FAM168A: variants seen among roughly 807,000 people sequenced by gnomAD.
The protein encoded by FAM168A is family with sequence similarity 168 member A.
Under a neutral mutation model 28.5 loss-of-function variants are expected in FAM168A, and 3 were observed. The observed-to-expected ratio is 0.11, with a 90% confidence interval of 0.05 to 0.27. The LOEUF is 0.27. Among genes scored for constraint, FAM168A ranks in the 10% least tolerant of loss-of-function variants. The pLI, the probability that FAM168A is intolerant of heterozygous loss-of-function variation, is 1.00. For synonymous variants in FAM168A, 122 were observed against 124.2 expected (o/e 0.98, Z 0.12); for missense variants, 222 against 311.5 (o/e 0.71, Z 2.16).
intron 1 of FAM168A, among the ~76,000 whole-genome samples, chr11:73,588,557 TG>T (rs1422514637): frequency 4.6e-5 from 7 of 152,120 alleles, no homozygotes; most frequent in African/African-American, 1.7e-4. Context: ...CAAGACACGG[TG>T]GCCTGCACCT....
At chr11:73,448,875 T>C (rs1057045632) in intron 2 of FAM168A, among the ~76,000 whole-genome samples, 7 of 152,204 alleles carry the variant, frequency 4.6e-5, no homozygotes, top group Non-Finnish European at 7.3e-5. Context: ...ACCTTCAGAC[T>C]TCTTTTTATG....
intron 1 of FAM168A, among the ~76,000 whole-genome samples, chr11:73,534,839 G>A (rs556172198): frequency 6.6e-6 from 1 of 152,192 alleles, no homozygotes; most frequent in Admixed American, 6.5e-5. Context: ...TCCCTCTGGA[G>A]AGAGTAAAAC....
chr11:73,554,880 G>A (rs186979699), intron 1 of FAM168A, among the ~76,000 whole-genome samples: 1 of 152,312 alleles, frequency 6.6e-6, no homozygotes, highest in Non-Finnish European at 1.5e-5. Context: ...CTTGATGGGT[G>A]AAGAAGATGG....
chr11:73,577,324 T>A (rs967439991), intron 1 of FAM168A, among the ~76,000 whole-genome samples: 3 of 148,228 alleles, frequency 2.0e-5, no homozygotes, highest in African/African-American at 5.3e-5. Flanking sequence ...GCTACTTAAC[T>A]AATATCTGAA....
At position 73,468,775 on chromosome 11, in the gene FAM168A, C is replaced by G. The variant is rs144627013; in HGVS notation, c.-18-283G>C. On this transcript the variant is annotated intron_variant, in intron 1 of 7. Transcript: ENST00000356467. ...AGTGTTAGTCCCACTATCCCACAGA[C>G]AGCTCTGGCACTAGAGTACTATGTG... 3.8e-3 allele frequency among the ~76,000 whole-genome samples: 582 copies of G among 152,358 alleles called. 1 individual carries two copies. Among genetic ancestry groups the G allele is most frequent in the Non-Finnish European group, 7.0e-3 (476 of 68,030 alleles).
intron 2 of FAM168A, among the ~76,000 whole-genome samples, chr11:73,433,227 G>C (rs1171036593): frequency 6.6e-6 from 1 of 150,790 alleles, no homozygotes; most frequent in East Asian, 1.9e-4. Flanking sequence ...TTTTTCATTG[G>C]GTGGTTTGTC....
intron 1 of FAM168A, among the ~76,000 whole-genome samples, chr11:73,500,514 TC>T (rs1854988622): frequency 6.6e-6 from 1 of 152,030 alleles, no homozygotes; most frequent in South Asian, 2.1e-4. Context: ...CACCTTGGCC[TC>T]CCAAAGTGCT....
chr11:73,450,665 C>T (rs1565250629), intron 2 of FAM168A, among the ~76,000 whole-genome samples: 1 of 143,832 alleles, frequency 7.0e-6, no homozygotes, highest in African/African-American at 2.5e-5. Context: ...CCCCCCTTCT[C>T]CACTCCCCTC....
chr11:73,464,393 T>C (rs1867700476), intron 2 of FAM168A, among the ~76,000 whole-genome samples: 1 of 152,118 alleles, frequency 6.6e-6, no homozygotes, highest in Non-Finnish European at 1.5e-5. Flanking sequence ...ACAGATTAAT[T>C]TCCTAGCCTT....
At chr11:73,538,460 A>G (rs1173031211) in intron 1 of FAM168A, among the ~76,000 whole-genome samples, 1 of 152,148 alleles carries the variant, frequency 6.6e-6, no homozygotes, top group East Asian at 1.9e-4. Flanking sequence ...ATAGATCTCC[A>G]TTCCAGAATT....
At chr11:73,407,732 G>T in intron 6 of FAM168A, 89 bp from the exon 7 acceptor site, 1 of 1,070,356 alleles carries the variant, frequency 9.3e-7, no homozygotes, top group Admixed American at 2.4e-5. Flanking sequence ...TCACATGGCT[G>T]CTCCCTCTGC....
Position 73,566,380 on chromosome 11 carries a change from G to A in FAM168A, c.-19+31543C>T, listed in dbSNP as rs1337351903. Among the ~76,000 whole-genome samples the A allele has an allele frequency of 7.2e-5, 11 of 152,002 alleles. No homozygotes were observed. In the East Asian group the frequency reaches 2.1e-3, roughly 29 times the overall value. ...GTAAAGCAAACTTCTTTTATCCCTT[G>A]ATGTAATCAATAAAAATTAAAGCCA... On this transcript the variant is annotated intron_variant, in intron 1 of 7. Coordinates refer to ENST00000356467, the MANE Select transcript of FAM168A (RefSeq NM_015159.3).
chr11:73,426,823 G>A (rs1475007201), intron 3 of FAM168A, among the ~76,000 whole-genome samples: 3 of 151,950 alleles, frequency 2.0e-5, no homozygotes, highest in Admixed American at 2.0e-4. Flanking sequence ...TCAACTCCGA[G>A]TTTGGGGCCT....
chr11:73,497,900 A>G (rs1854925340), intron 1 of FAM168A, among the ~76,000 whole-genome samples: 1 of 152,246 alleles, frequency 6.6e-6, no homozygotes, highest in Non-Finnish European at 1.5e-5. Flanking sequence ...TTAAAGCATA[A>G]TAAAAATAAA....
intron 1 of FAM168A, among the ~76,000 whole-genome samples, chr11:73,469,148 A>G (rs2134577275): frequency 6.6e-6 from 1 of 152,360 alleles, no homozygotes; most frequent in Admixed American, 6.5e-5. Context: ...AAAGAAATAA[A>G]CTTGGAAATT....
intron 3 of FAM168A, among the ~76,000 whole-genome samples, chr11:73,424,332 G>GC (rs1422852716): frequency 6.6e-6 from 1 of 152,178 alleles, no homozygotes; most frequent in Non-Finnish European, 1.5e-5. Context: ...GGTGAAAGTT[G>GC]CAAGTCCCTC....
At chr11:73,497,692 A>C (rs1364139104) in intron 1 of FAM168A, among the ~76,000 whole-genome samples, 1 of 152,068 alleles carries the variant, frequency 6.6e-6, no homozygotes, top group East Asian at 1.9e-4. Flanking sequence ...CATAGGTGGG[A>C]ACTGAACAAT....
intron 1 of FAM168A, among the ~76,000 whole-genome samples, chr11:73,496,062 T>C (rs558589618): frequency 1.4e-4 from 21 of 152,258 alleles, no homozygotes; most frequent in South Asian, 6.2e-4. Flanking sequence ...GAAAATGTTG[T>C]ATACACACAT....
At chr11:73,493,311 G>A (rs1318995164) in intron 1 of FAM168A, among the ~76,000 whole-genome samples, 5 of 152,188 alleles carry the variant, frequency 3.3e-5, no homozygotes, top group Admixed American at 6.5e-5. Context: ...CAGGTAGCCC[G>A]TAGACCATAC....
Sources: gnomAD v4.1 joint callset for allele counts (sites outside exome capture counted in the v4.1 genomes callset) on GRCh38, gnomAD v4.1.1 for gene constraint, MANE v1.5 for transcripts, NCBI Gene and HGNC (gene_info 2026-07-23, HGNC 2026-07-21) for gene names.